The following SUMF1 variants were observed in gnomAD, a reference collection of about 807,000 sequenced individuals.
SUMF1 encodes the protein formylglycine-generating enzyme.
SUMF1 carries 48 observed loss-of-function variants against 47.6 expected under a neutral mutation model. The observed-to-expected ratio is 1.01, with a 90% CI of 0.80 to 1.28. The LOEUF (loss-of-function observed/expected upper bound fraction) is 1.28. Ranked by LOEUF, SUMF1 falls within the 50% of genes most tolerant of loss-of-function variation. The pLI is 0.00. For missense variants in SUMF1, 571 were observed against 485.4 expected, an observed-to-expected ratio of 1.18 and a Z score of -1.66; for synonymous variants, 230 against 192.1, an observed-to-expected ratio of 1.20 and a Z score of -1.63.
At chr3:4,172,513 A>T (rs1217171747) in intron 8 of SUMF1, among the ~76,000 whole-genome samples, 2 of 152,188 alleles carry the variant, frequency 1.3e-5, no homozygotes, top group Non-Finnish European at 2.9e-5. Flanking sequence ...TAGCAACTCT[A>T]TAAGAAAGGT....
chr3:4,424,117 G>A (rs1701992872), intron 3 of SUMF1, among the ~76,000 whole-genome samples: 1 of 152,156 alleles, frequency 6.6e-6, no homozygotes, highest in Non-Finnish European at 1.5e-5. Context: ...CATAGAAAAT[G>A]TGCAATTAGT....
chr3:4,276,827 T>C (rs1417017270), intron 8 of SUMF1, among the ~76,000 whole-genome samples: 4 of 152,186 alleles, frequency 2.6e-5, no homozygotes, highest in South Asian at 2.1e-4. Context: ...CATTTTATTA[T>C]TAGTCATTTA....
At chr3:4,329,540 A>T (rs1575103067) in intron 8 of SUMF1, among the ~76,000 whole-genome samples, 1 of 152,174 alleles carries the variant, frequency 6.6e-6, no homozygotes, top group Admixed American at 6.5e-5. Flanking sequence ...AGTGGTTGGG[A>T]CACAGGGCAC....
chr3:4,044,277 TCTGA>T (rs1178012156), intron 9 of SUMF1, among the ~76,000 whole-genome samples: 2 of 152,162 alleles, frequency 1.3e-5, no homozygotes, highest in African/African-American at 4.8e-5. Flanking sequence ...TCTGCTGTTC[TCTGA>T]CTGTCATTCA....
chr3:4,381,723 T>C (rs1700510269), intron 7 of SUMF1, among the ~76,000 whole-genome samples: 2 of 152,216 alleles, frequency 1.3e-5, no homozygotes, highest in Admixed American at 6.5e-5. Flanking sequence ...AGATAATTAA[T>C]GCAGAAAGAG....
intron 2 of SUMF1, among the ~76,000 whole-genome samples, chr3:4,451,177 T>C (rs749347603): frequency 1.2e-4 from 19 of 152,188 alleles, no homozygotes; most frequent in Non-Finnish European, 2.4e-4. Context: ...GTATTAAATA[T>C]GCTCTTCATT....
intron 8 of SUMF1, among the ~76,000 whole-genome samples, chr3:4,197,726 G>A (rs1004597701): frequency 1.3e-5 from 2 of 152,102 alleles, no homozygotes; most frequent in African/African-American, 4.8e-5. Context: ...ATCCAAACAT[G>A]TCAGTAAACA....
intron 9 of SUMF1, among the ~76,000 whole-genome samples, chr3:4,048,148 C>T (rs1695039583): frequency 1.3e-5 from 2 of 152,070 alleles, no homozygotes; most frequent in Non-Finnish European, 2.9e-5. Flanking sequence ...TATTTTTATT[C>T]AAACCTTTTC....
At chr3:4,168,346 G>T (rs1559530410) in intron 8 of SUMF1, among the ~76,000 whole-genome samples, 2 of 152,110 alleles carry the variant, frequency 1.3e-5, no homozygotes, top group African/African-American at 4.8e-5. Flanking sequence ...ACACAGATTT[G>T]CCCAAGGATA....
chr3:4,258,880 T>C (rs1697018510), intron 8 of SUMF1, among the ~76,000 whole-genome samples: 1 of 135,430 alleles, frequency 7.4e-6, no homozygotes, highest in African/African-American at 2.8e-5. Context: ...CCAACAATGA[T>C]AGACTGGATT....
At chr3:4,386,941 C>T (rs140349609) in intron 7 of SUMF1, among the ~76,000 whole-genome samples, 2 of 151,486 alleles carry the variant, frequency 1.3e-5, no homozygotes, top group East Asian at 3.9e-4. Context: ...AGACTGCACT[C>T]CTGGAATAAA....
At chr3:4,215,200 G>A (rs767680833) in intron 8 of SUMF1, among the ~76,000 whole-genome samples, 1 of 152,106 alleles carries the variant, frequency 6.6e-6, no homozygotes, top group African/African-American at 2.4e-5. Flanking sequence ...TATCCACCAC[G>A]ATCAAGTCGG....
chr3:4,417,416 A>G (rs1701749950), intron 5 of SUMF1, among the ~76,000 whole-genome samples, 174 bp from the exon 6 acceptor site: 1 of 152,212 alleles, frequency 6.6e-6, no homozygotes, highest in Non-Finnish European at 1.5e-5. Context: ...CAATTTCCTT[A>G]TAACTTCTCA....
chr3:4,237,631 G>A (rs1183721422), intron 8 of SUMF1, among the ~76,000 whole-genome samples: 1 of 151,976 alleles, frequency 6.6e-6, no homozygotes, highest in African/African-American at 2.4e-5. Context: ...AAATTTTAAT[G>A]CAGTACAACT....
chr3:4,178,497 A>C (rs1463278449), intron 8 of SUMF1, among the ~76,000 whole-genome samples: 3 of 152,192 alleles, frequency 2.0e-5, no homozygotes, highest in Non-Finnish European at 4.4e-5. Flanking sequence ...ACAGCCCTTC[A>C]TGCTAAAAAC....
Position 4,309,505 on chromosome 3 carries a change from C to G in SUMF1, c.1014+66825G>C, listed in dbSNP as rs310725. On this transcript the variant is annotated intron_variant and NMD_transcript_variant, in intron 8 of 12. Coordinates refer to the SUMF1 transcript ENST00000448413. ...TTGTTTGCAAGAAACATAACACAAACTGGCTCCAACAAAAAAGGGAAGGAA... is the reference window on the plus strand; with the variant it reads ...TTGTTTGCAAGAAACATAACACAAAGTGGCTCCAACAAAAAAGGGAAGGAA... Among the ~76,000 whole-genome samples the G allele has an allele frequency of 4.2e-3, 642 of 152,286 alleles. 3 individuals are homozygous for G. Among genetic ancestry groups the G allele is most frequent in the African/African-American group, 0.014 (600 of 41,570 alleles).
chr3:4,184,057 C>T (rs940806123), intron 8 of SUMF1, among the ~76,000 whole-genome samples: 1 of 151,810 alleles, frequency 6.6e-6, no homozygotes, highest in Non-Finnish European at 1.5e-5. Context: ...ATCTCTTGAA[C>T]CTGGGAAGAG....
chr3:4,058,895 A>G (rs1461119491), intron 9 of SUMF1, among the ~76,000 whole-genome samples: 1 of 152,122 alleles, frequency 6.6e-6, no homozygotes, highest in Admixed American at 6.6e-5. Flanking sequence ...AATTTGTGAG[A>G]TGTCAATCTG....
intron 8 of SUMF1, among the ~76,000 whole-genome samples, chr3:4,172,988 T>A (rs1264803049): frequency 6.6e-6 from 1 of 152,186 alleles, no homozygotes; most frequent in East Asian, 1.9e-4. Context: ...TGGTTTTAAG[T>A]CTTAGTTTAA....
Sources: allele counts gnomAD v4.1 joint callset (sites outside exome capture counted in the v4.1 genomes callset), GRCh38; gene constraint gnomAD v4.1.1; transcripts MANE v1.5; gene names NCBI Gene and HGNC (gene_info 2026-07-23, HGNC 2026-07-21).